EML6: variants seen among roughly 807,000 people sequenced by gnomAD.
EML6 encodes the protein EMAP like 6.
EML6 carries 154 observed loss-of-function variants against 240.1 expected under a neutral mutation model. The ratio of observed to expected loss-of-function variants is 0.64; its 90% CI spans 0.56 to 0.73. EML6 has a LOEUF of 0.73. Among genes scored for constraint, EML6 ranks in the 30% least tolerant of loss-of-function variants. The pLI, the probability that EML6 is intolerant of heterozygous loss-of-function variation, is 0.00. For synonymous variants in EML6, 1,148 were observed against 899.0 expected, an observed-to-expected ratio of 1.28 and a Z score of -4.95; for missense variants, 2,964 against 2,474.6, an observed-to-expected ratio of 1.20 and a Z score of -4.20.
At position 54,725,207 on chromosome 2, in the gene EML6, C is replaced by A. The variant is rs961191519; in HGVS notation, c.146C>A (p.Thr49Asn). The change falls in exon 2 of 42, where the codon ACC becomes AAC. Residue 49 changes from threonine to asparagine, a missense_variant. By Grantham distance (65) the Thr-to-Asn change is moderately conservative. Transcript: ENST00000356458. This position sits in a 1 kb window ranked among gnomAD's most constrained non-coding sequence, Gnocchi z 4.3. ...FVAGVGVVYN[T>N]REHSQKFFLG... is the part of the protein sequence containing the mutation. Reference sequence around the variant, plus strand: ...GCTGGGGTCGGGGTGGTTTACAACACCCGCGAGCACAGCCAAAAATTCTTC... The same window carrying A: ...GCTGGGGTCGGGGTGGTTTACAACAACCGCGAGCACAGCCAAAAATTCTTC... 6 of 1,504,550 alleles carry A rather than the reference C, an allele frequency of 4.0e-6. No individual in the cohort carries two copies. The South Asian group carries it at 7.5e-5, about 19-fold the overall frequency. The allele number at this position is 1,504,550 out of a possible 1,614,324, so 93.2% of individuals were successfully genotyped here.
At position 54,970,162 on chromosome 2, in the gene EML6, A is replaced by G; in HGVS notation, c.*67A>G. On this transcript the variant is annotated 3_prime_UTR_variant, in exon 42 of 42. Transcript: ENST00000356458. The stretch of plus-strand genomic sequence containing the variant: ...GCCAGCAACTGCAGAGGCCATGCTG[A>G]GGTGCCTCCTTGCCACCAGCCGTTG... 1 of 1,493,520 alleles carries G rather than the reference A, an allele frequency of 6.7e-7. No individual in the cohort carries two copies. The highest frequency in any genetic ancestry group is 9.1e-7 in the Non-Finnish European group (1 of 1,094,100). The allele number at this position is 1,493,520 out of a possible 1,614,324, so 92.5% of individuals were successfully genotyped here.
In EML6 at chr2:54,851,216, C is replaced by G. The variant is rs567986376; in HGVS notation, c.1444+998C>G. The stretch of plus-strand genomic sequence containing the variant: ...TTGAGGTCAGGAGTTCGAAATCAAC[C>G]TGGCCAACATGGTGAAGTCCCATCT... On this transcript the variant is annotated intron_variant, in intron 10 of 41. Coordinates refer to ENST00000356458, the MANE Select transcript of EML6 (RefSeq NM_001039753.4). 1.3e-3 allele frequency among the ~76,000 whole-genome samples: 205 copies of G among 152,136 alleles called. 1 individual carries two copies. The highest frequency in any genetic ancestry group is 4.8e-3 in the African/African-American group (199 of 41,498).
intron 2 of EML6, among the ~76,000 whole-genome samples, chr2:54,731,508 G>A (rs1035272201): frequency 6.6e-6 from 1 of 152,074 alleles, no homozygotes. Flanking sequence ...AGGCATGGTG[G>A]CGTGTGCCTA....
chr2:54,963,015 G>T (rs1558731842), intron 36 of EML6, among the ~76,000 whole-genome samples: 2 of 152,118 alleles, frequency 1.3e-5, no homozygotes, highest in Admixed American at 6.6e-5. Context: ...TCTGAAATGG[G>T]CCTAATGTAT....
intron 36 of EML6, 108 bp downstream of exon 36, chr2:54,962,819 C>G: frequency 1.2e-6 from 1 of 850,050 alleles, no homozygotes; most frequent in Non-Finnish European, 1.7e-6. Flanking sequence ...GGGGATGGGG[C>G]CAGGTAGGAG....
At chr2:54,853,014 C>T (rs1482226474) in intron 10 of EML6, among the ~76,000 whole-genome samples, 2 of 152,168 alleles carry the variant, frequency 1.3e-5, no homozygotes, top group African/African-American at 2.4e-5. Flanking sequence ...CATTTTATTT[C>T]ATCATAATCT....
At chr2:54,941,528 C>T (rs921265154) in intron 28 of EML6, among the ~76,000 whole-genome samples, 2 of 152,198 alleles carry the variant, frequency 1.3e-5, no homozygotes, top group Admixed American at 1.3e-4. Context: ...AAGAACTGAC[C>T]ATCCTGCTAA....
At chr2:54,935,455 C>T (rs1486731123) in intron 28 of EML6, among the ~76,000 whole-genome samples, 1 of 152,046 alleles carries the variant, frequency 6.6e-6, no homozygotes, top group African/African-American at 2.4e-5. Flanking sequence ...TTTTTATTAC[C>T]TAGTATTATA....
At chr2:54,795,744 A>G (rs1669731291) in intron 2 of EML6, among the ~76,000 whole-genome samples, 1 of 152,322 alleles carries the variant, frequency 6.6e-6, no homozygotes, top group South Asian at 2.1e-4. Flanking sequence ...CCCCTAGCAT[A>G]ATATGTGATT....
At chr2:54,903,666 A>G (rs1057065625) in intron 24 of EML6, among the ~76,000 whole-genome samples, 164 bp downstream of exon 24, 2 of 152,248 alleles carry the variant, frequency 1.3e-5, no homozygotes, top group African/African-American at 4.8e-5. Flanking sequence ...AGCTGCTGCT[A>G]ACATTTTGAA....
At chr2:54,775,010 C>A (rs763035232) in intron 2 of EML6, among the ~76,000 whole-genome samples, 1 of 152,076 alleles carries the variant, frequency 6.6e-6, no homozygotes, top group East Asian at 1.9e-4. Flanking sequence ...AATGAAAAAG[C>A]AAATACTTAG....
chr2:54,853,325 T>G (rs1409547816), intron 10 of EML6, among the ~76,000 whole-genome samples: 1 of 152,198 alleles, frequency 6.6e-6, no homozygotes, highest in Non-Finnish European at 1.5e-5. Context: ...ATAATTTTCT[T>G]AAGTTTTTTG....
At chr2:54,826,038 G>T (rs78441853) in intron 5 of EML6, among the ~76,000 whole-genome samples, 1 of 152,100 alleles carries the variant, frequency 6.6e-6, no homozygotes, top group African/African-American at 2.4e-5. Context: ...CCTGCCACCC[G>T]GGCACAGTCT....
At chr2:54,863,709 A>G (rs932412532) in intron 12 of EML6, 74 bp from the exon 13 acceptor site, 1 of 751,610 alleles carries the variant, frequency 1.3e-6, no homozygotes, top group Non-Finnish European at 2.3e-6. Flanking sequence ...ATAAAAGGAA[A>G]AATATTTTAG....
At position 54,823,228 on chromosome 2, in the gene EML6, G is replaced by C. The variant is rs200071561; in HGVS notation, c.525+2766G>C. 3.3e-5 allele frequency among the ~76,000 whole-genome samples: 5 copies of C among 152,308 alleles called. No individual in the cohort carries two copies. The East Asian group carries it at 9.6e-4, about 29-fold the overall frequency. Reference sequence around the variant, plus strand: ...ATAAAGATGACATCCCAGCTGGCTAGAAGCATGTTGTCAGGATGGAGATGC... The same window carrying C: ...ATAAAGATGACATCCCAGCTGGCTACAAGCATGTTGTCAGGATGGAGATGC... On this transcript the variant is annotated intron_variant, in intron 5 of 41. Transcript: ENST00000356458.
chr2:54,736,728 CT>C (rs1683412455), intron 2 of EML6, among the ~76,000 whole-genome samples: 1 of 152,136 alleles, frequency 6.6e-6, no homozygotes, highest in Non-Finnish European at 1.5e-5. Flanking sequence ...CTTTTCTTTC[CT>C]CATCATTGTG....
intron 16 of EML6, among the ~76,000 whole-genome samples, chr2:54,878,765 A>C (rs567242839): frequency 6.6e-6 from 1 of 152,330 alleles, no homozygotes; most frequent in South Asian, 2.1e-4. Context: ...AACAATTATA[A>C]GTAATATTTA....
rs62134815 is a variant in EML6, at chr2:54,970,474, G to T, written c.*379G>T. 0.014 allele frequency: 2,979 copies of T among 218,760 alleles called. 30 individuals are homozygous for T. The highest frequency in any genetic ancestry group is 0.055 in the Middle Eastern group (31 of 568). 13.6% of individuals were successfully genotyped at this position (218,760 alleles called of 1,614,324 possible). ...TTTGCATCAAAACTTTTACAAAGAT[G>T]TTTTGCTATTGTTTCTATATACTTC... On this transcript the variant is annotated 3_prime_UTR_variant, in exon 42 of 42. Coordinates refer to ENST00000356458, the MANE Select transcript of EML6 (RefSeq NM_001039753.4).
chr2:54,928,163 C>T lies in EML6; in HGVS notation c.3676-150C>T, dbSNP rs1674657108. The T allele has an allele frequency of 4.4e-6, 3 of 680,806 alleles. No individual in the cohort carries two copies. In the African/African-American group the frequency reaches 5.4e-5, roughly 12 times the overall value. 42.2% of individuals were successfully genotyped at this position (680,806 alleles called of 1,614,324 possible). A position where few individuals can be genotyped will look rare whatever the true frequency, so the allele number is the denominator to read the frequency against. ...GTTTGAAGAAAAAAGAGACCTAGTG[C>T]CTGCCCACATGGAGCTTACATTCTA... On this transcript the variant is annotated intron_variant, in intron 26 of 41. Transcript: ENST00000356458.
Sources: gnomAD v4.1 joint callset for allele counts (sites outside exome capture counted in the v4.1 genomes callset) on GRCh38, gnomAD v4.1.1 for gene constraint, Gnocchi (gnomAD v3.1) non-coding constraint, MANE v1.5 for transcripts, NCBI Gene and HGNC (gene_info 2026-07-23, HGNC 2026-07-21) for gene names.